Variants in USPL1 observed in about 807,000 individuals in gnomAD.
The protein encoded by USPL1 is SUMO-specific isopeptidase USPL1.
USPL1 carries 27 observed loss-of-function variants against 51.5 expected under a neutral mutation model. That is an observed-to-expected ratio of 0.52 (90% CI 0.39 to 0.72). The LOEUF is 0.72. USPL1 is among the 30% of genes least tolerant of loss of function. The probability of loss-of-function intolerance (pLI) is 0.00; values close to 1 mark genes in which losing one functional copy is unlikely to be tolerated. For synonymous variants in USPL1, 451 were observed against 459.6 expected, an observed-to-expected ratio of 0.98 and a Z score of 0.24; for missense variants, 1,226 against 1,268.0, an observed-to-expected ratio of 0.97 and a Z score of 0.50.
At chr13:30,655,428 T>C (rs886379187) in intron 8 of USPL1, among the ~76,000 whole-genome samples, 2 of 152,200 alleles carry the variant, frequency 1.3e-5, no homozygotes, top group African/African-American at 4.8e-5. Context: ...TCTTTCTCCT[T>C]TCTTAATCTT....
At chr13:30,651,363 C>A (rs1951090437) in intron 7 of USPL1, among the ~76,000 whole-genome samples, 1 of 152,158 alleles carries the variant, frequency 6.6e-6, no homozygotes, top group Non-Finnish European at 1.5e-5. Context: ...CAGCTAGAGT[C>A]TGAGTATCTT....
At chr13:30,645,563 G>A (rs1344247141) in intron 6 of USPL1, among the ~76,000 whole-genome samples, 2 of 152,130 alleles carry the variant, frequency 1.3e-5, no homozygotes, top group African/African-American at 4.8e-5. Context: ...TAGAGGGAAA[G>A]CTAAAATGAA....
chr13:30,628,130 A>T (rs767781700), intron 3 of USPL1, among the ~76,000 whole-genome samples: 8 of 148,184 alleles, frequency 5.4e-5, no homozygotes, highest in Non-Finnish European at 1.2e-4. Flanking sequence ...TCCTGACCTC[A>T]GGTGTTCTGC....
chr13:30,647,363 G>A (rs1951032043), intron 7 of USPL1, among the ~76,000 whole-genome samples: 1 of 152,014 alleles, frequency 6.6e-6, no homozygotes, highest in Non-Finnish European at 1.5e-5. Context: ...CAAGTGTATG[G>A]AGTTTCTAGA....
chr13:30,652,176 T>G (rs1383732563), intron 7 of USPL1, among the ~76,000 whole-genome samples: 1 of 152,240 alleles, frequency 6.6e-6, no homozygotes, highest in Non-Finnish European at 1.5e-5. Context: ...TTAGATTTGA[T>G]GAAATAGATA....
At position 30,659,589 on chromosome 13, in the gene USPL1, G is replaced by C. The variant is rs1356630612; in HGVS notation, c.*233G>C. ...TCATTTTGTTCTTGTGAGAGTATGA[G>C]GATTTCAAAATGTTAAAGATGAAAA... On this transcript the variant is annotated 3_prime_UTR_variant, in exon 9 of 9. Transcript: ENST00000255304. 4 of 400,038 alleles carry C rather than the reference G, an allele frequency of 1.0e-5. No individual in the cohort carries two copies. Among genetic ancestry groups the C allele is most frequent in the Non-Finnish European group, 1.7e-5 (4 of 229,838 alleles). 24.8% of individuals were successfully genotyped at this position (400,038 alleles called of 1,614,324 possible).
At chr13:30,645,242 T>C (rs1432301949) in intron 6 of USPL1, among the ~76,000 whole-genome samples, 5 of 152,216 alleles carry the variant, frequency 3.3e-5, no homozygotes, top group Non-Finnish European at 7.4e-5. Context: ...ATATCTTAGT[T>C]GTTTGACAGT....
chr13:30,632,955 A>G (rs1291840954), intron 4 of USPL1, among the ~76,000 whole-genome samples: 1 of 151,968 alleles, frequency 6.6e-6, no homozygotes, highest in African/African-American at 2.4e-5. Context: ...AAACATTCCC[A>G]ATAACTTACA....
At chr13:30,625,437 G>GTTT (rs200928956) in intron 3 of USPL1, among the ~76,000 whole-genome samples, 12 of 135,916 alleles carry the variant, frequency 8.8e-5, no homozygotes, top group African/African-American at 2.5e-4. Context: ...TTGGTTTTTT[G>GTTT]TTTTTTGTTT....
At chr13:30,639,442 A>G (rs1950918519) in intron 5 of USPL1, among the ~76,000 whole-genome samples, 1 of 152,098 alleles carries the variant, frequency 6.6e-6, no homozygotes, top group Non-Finnish European at 1.5e-5. Context: ...ACTTATACAT[A>G]CATATTTATT....
At position 30,631,184 on chromosome 13, in the gene USPL1, T is replaced by A; in HGVS notation, c.578T>A (p.Val193Asp). The change falls in exon 4 of 9, where the codon GTC becomes GAC. Residue 193 changes from valine (V) to aspartate (D), a missense_variant. Coordinates refer to ENST00000255304, the MANE Select transcript of USPL1 (RefSeq NM_005800.5). ...ATTKDPATVD[V>D]SGTGRPSPQN... ...ACAAAAGATCCTGCTACAGTTGATG[T>A]CTCTGGAACTGGCAGACCTTCCCCT... is the stretch of plus-strand genomic sequence containing the variant. 1 of 1,614,174 alleles carries A rather than the reference T, an allele frequency of 6.2e-7. No individual in the cohort carries two copies. Among genetic ancestry groups the A allele is most frequent in the Non-Finnish European group, 8.5e-7 (1 of 1,180,026 alleles).
chr13:30,640,061 A>G (rs535499542), intron 5 of USPL1, among the ~76,000 whole-genome samples: 2 of 152,218 alleles, frequency 1.3e-5, no homozygotes, highest in Non-Finnish European at 2.9e-5. Flanking sequence ...TTTACTGCCC[A>G]TTCAAGGATA....
intron 8 of USPL1, among the ~76,000 whole-genome samples, chr13:30,654,933 C>A (rs1418340786): frequency 4.0e-5 from 6 of 151,564 alleles, no homozygotes; most frequent in African/African-American, 1.5e-4. Context: ...TATATCAGAT[C>A]ATATATATAT....
chr13:30,658,534 A>G lies in USPL1; in HGVS notation c.2457A>G (p.Ala819=), dbSNP rs1951203737. 6.2e-7 allele frequency: 1 copy of G among 1,614,006 alleles called. No homozygotes were observed. Among genetic ancestry groups the G allele is most frequent in the South Asian group, 1.1e-5 (1 of 91,086 alleles). The change falls in exon 9 of 9, where the codon GCA becomes GCG. Residue 819 remains alanine, a synonymous_variant. Transcript: ENST00000255304. ...SHVSKKARKS[A]SKPPPISKPP... is the part of the protein sequence containing the mutation. ...TATCCAAGAAAGCTCGTAAGAGTGC[A>G]AGTAAGCCTCCTCCCATCAGTAAGC... is the stretch of plus-strand genomic sequence containing the variant.
intron 3 of USPL1, among the ~76,000 whole-genome samples, chr13:30,624,135 A>G (rs1200294111): frequency 2.6e-5 from 4 of 152,162 alleles, no homozygotes; most frequent in Non-Finnish European, 5.9e-5. Context: ...AGGATCTGAC[A>G]TGGTCTCTAG....
rs756607196 is a variant in USPL1 at position 30,658,750 on chromosome 13, A to G, written c.2673A>G (p.Lys891=). Residue 891 remains lysine (K), a synonymous_variant, in exon 9 of 9, where the codon AAA becomes AAG. Transcript: ENST00000255304. The part of the protein sequence containing the change: ...VEGQIHKLRL[K]LRKKLKAEKK... ...GTCAGATTCATAAACTTCGTCTAAA[A>G]CTTCGTAAAAAGCTAAAGGCAGAAA... The G allele has an allele frequency of 6.2e-7, 1 of 1,614,156 alleles. No individual in the cohort carries two copies. The highest frequency in any genetic ancestry group is 2.2e-5 in the East Asian group (1 of 44,882).
chr13:30,643,904 C>T (rs1347591794), intron 6 of USPL1, among the ~76,000 whole-genome samples: 1 of 151,962 alleles, frequency 6.6e-6, no homozygotes, highest in African/African-American at 2.4e-5. Flanking sequence ...GCCACCATGC[C>T]TAGCCACACT....
At position 30,658,117 on chromosome 13, in the gene USPL1, T is replaced by C. The variant is rs1951191957; in HGVS notation, c.2040T>C (p.Asn680=). 1 of 1,613,724 alleles carries C rather than the reference T, an allele frequency of 6.2e-7. No homozygotes were observed. The highest frequency in any genetic ancestry group is 1.3e-5 in the African/African-American group (1 of 75,064). Residue 680 remains asparagine, a synonymous_variant, in exon 9 of 9, where the codon AAT becomes AAC. Coordinates refer to ENST00000255304, the MANE Select transcript of USPL1 (RefSeq NM_005800.5). ...TEDTVNTKSV[N]NTDATGLIQG... The stretch of plus-strand genomic sequence containing the variant: ...ATACTGTAAATACTAAATCTGTGAA[T>C]AATACTGATGCTACTGGTCTTATAC...
At chr13:30,644,893 A>C (rs1481280447) in intron 6 of USPL1, among the ~76,000 whole-genome samples, 1 of 152,204 alleles carries the variant, frequency 6.6e-6, no homozygotes, top group Non-Finnish European at 1.5e-5. Context: ...CTAGGACTTA[A>C]ATAATTTAGT....
Sources: allele counts gnomAD v4.1 joint callset (sites outside exome capture counted in the v4.1 genomes callset), GRCh38; gene constraint gnomAD v4.1.1; transcripts MANE v1.5; gene names NCBI Gene and HGNC (gene_info 2026-07-23, HGNC 2026-07-21).